Variants in COL4A6 observed in about 807,000 individuals in gnomAD.
COL4A6 encodes collagen alpha-6(IV) chain.
Under a neutral mutation model 126.7 loss-of-function variants are expected in COL4A6, and 59 were observed. The ratio of observed to expected loss-of-function variants is 0.47; its 90% CI spans 0.38 to 0.58. The LOEUF is 0.58. Among genes scored for constraint, COL4A6 ranks in the 20% least tolerant of loss-of-function variants. The pLI is 0.00. For synonymous variants in COL4A6, 547 were observed against 496.6 expected (o/e 1.10, Z -1.35); for missense variants, 1,285 against 1,337.3 (o/e 0.96, Z 0.61).
At chrX:108,219,770 T>A in intron 4 of COL4A6, 28 bp from the exon 5 acceptor site, 1 of 1,149,800 alleles carries the variant, frequency 8.7e-7, no homozygotes, top group Non-Finnish European at 1.2e-6. Context: ...GAGAGGAATG[T>A]AAGACACAAT....
intron 23 of COL4A6, among the ~76,000 whole-genome samples, chrX:108,184,992 A>C (rs1417890922): frequency 8.9e-6 from 1 of 112,411 alleles, no homozygotes; most frequent in Non-Finnish European, 1.9e-5. Flanking sequence ...AGACCCAATT[A>C]CGGGAGGAGC....
intron 33 of COL4A6, among the ~76,000 whole-genome samples, chrX:108,171,183 G>T (rs777065133): frequency 4.5e-5 from 5 of 112,225 alleles, no homozygotes; most frequent in Non-Finnish European, 9.4e-5. Flanking sequence ...AAACTAAGGG[G>T]ATGTAGGCCA....
chrX:108,186,778 G>A (rs745637758), intron 23 of COL4A6, among the ~76,000 whole-genome samples: 1 of 110,411 alleles, frequency 9.1e-6, no homozygotes, highest in East Asian at 2.9e-4. Context: ...TTTGCAACAA[G>A]TGGTCATCCA....
At chrX:108,374,290 T>A (rs748821233) in intron 2 of COL4A6, among the ~76,000 whole-genome samples, 2 of 112,281 alleles carry the variant, frequency 1.8e-5, no homozygotes, top group South Asian at 7.5e-4. Flanking sequence ...AGCAGCTCAT[T>A]CACCACTTAA....
At chrX:108,403,960 G>A (rs1327513404) in intron 2 of COL4A6, among the ~76,000 whole-genome samples, 2 of 111,400 alleles carry the variant, frequency 1.8e-5, no homozygotes, top group Non-Finnish European at 3.8e-5. Context: ...CTCTCTTTAC[G>A]TGTCCTGATT....
intron 2 of COL4A6, among the ~76,000 whole-genome samples, chrX:108,391,954 C>T (rs755193053): frequency 1.5e-4 from 17 of 112,109 alleles, no homozygotes; most frequent in East Asian, 5.6e-4. Flanking sequence ...TGTTCCTGTT[C>T]GGCCATCTTG....
chrX:108,165,395 C>T lies in COL4A6; in HGVS notation c.3783G>A (p.Gly1261=). The T allele has an allele frequency of 2.5e-6, 3 of 1,209,685 alleles. No individual in the cohort carries two copies. The highest frequency in any genetic ancestry group is 3.4e-6 in the Non-Finnish European group (3 of 894,789). ...CTCGTTCTCCATCTAGGCCTGGTCG[C>T]CCGGGGTCACCAGGCTGTCCTGCTA... The part of the protein sequence containing the change: ...SLIAGQPGDP[G]RPGLDGERGR... The change falls in exon 38 of 45, where the codon GGG becomes GGA. Residue 1261 remains glycine, a synonymous_variant. Coordinates refer to ENST00000334504, the MANE Select transcript of COL4A6 (RefSeq NM_033641.4).
intron 3 of COL4A6, among the ~76,000 whole-genome samples, chrX:108,292,969 AG>A (rs1281796595): frequency 1.0e-5 from 1 of 97,230 alleles, no homozygotes; most frequent in Non-Finnish European, 2.0e-5. Context: ...AAAAAAAAAA[AG>A]AAAGGAAAGA....
chrX:108,216,661 G>T (rs1228829561), intron 5 of COL4A6, among the ~76,000 whole-genome samples: 2 of 112,562 alleles, frequency 1.8e-5, no homozygotes, highest in Non-Finnish European at 3.8e-5. Context: ...CCCTCCAAGA[G>T]CGTATAGCTC....
chrX:108,333,985 A>G (rs1225074656), intron 2 of COL4A6, among the ~76,000 whole-genome samples: 1 of 111,724 alleles, frequency 9.0e-6, no homozygotes, highest in East Asian at 2.8e-4. Context: ...AGCAATCTAC[A>G]AATTCAATGC....
chrX:108,250,421 G>T (rs779897195), intron 3 of COL4A6, among the ~76,000 whole-genome samples: 1 of 111,020 alleles, frequency 9.0e-6, no homozygotes, highest in Non-Finnish European at 1.9e-5. Flanking sequence ...CTTGGCCAAA[G>T]TCTATGAAAT....
intron 40 of COL4A6, 141 bp downstream of exon 40, chrX:108,164,459 C>G: frequency 1.8e-6 from 1 of 545,282 alleles, no homozygotes; most frequent in South Asian, 3.0e-5. Context: ...GGTAGAGAAA[C>G]TGCCTCTCTG....
chrX:108,278,114 C>T (rs1436412912), intron 3 of COL4A6, among the ~76,000 whole-genome samples: 1 of 112,471 alleles, frequency 8.9e-6, no homozygotes, highest in Admixed American at 9.4e-5. Context: ...CGCAGCTCCT[C>T]ACCAGCAACA....
chrX:108,364,881 T>C (rs1484984283), intron 2 of COL4A6, among the ~76,000 whole-genome samples: 8 of 111,608 alleles, frequency 7.2e-5, no homozygotes, highest in Non-Finnish European at 1.3e-4. Flanking sequence ...TTCCATATCT[T>C]GGCTATGGTG....
chrX:108,373,965 A>C (rs1174304369), intron 2 of COL4A6, among the ~76,000 whole-genome samples: 1 of 112,424 alleles, frequency 8.9e-6, no homozygotes, highest in East Asian at 2.8e-4. Context: ...GTTTGCTAAA[A>C]GAATATATCC....
intron 2 of COL4A6, among the ~76,000 whole-genome samples, chrX:108,434,497 A>G (rs913095632): frequency 9.0e-6 from 1 of 110,714 alleles, no homozygotes. Context: ...AATAAAATAC[A>G]TAGGATTACA....
rs774247004 is a variant in COL4A6, at chrX:108,278,055, A to T, written c.144+32693T>A. ...CAAAGATGGGGAAAAAACAGAGCAG[A>T]AAAACTGGAAACTCTAAAAAGCAGA... On this transcript the variant is annotated intron_variant, in intron 3 of 44. Coordinates refer to ENST00000334504, the MANE Select transcript of COL4A6 (RefSeq NM_033641.4). Among the ~76,000 whole-genome samples, 3 of 112,180 alleles carry T rather than the reference A, an allele frequency of 2.7e-5. No homozygotes were observed. The East Asian group carries it at 8.4e-4, about 32-fold the overall frequency.
rs769851755 is a variant in COL4A6, at chrX:108,207,693, C to G, written c.547-1113G>C. Among the ~76,000 whole-genome samples the G allele has an allele frequency of 1.8e-4, 20 of 111,376 alleles. No individual in the cohort carries two copies. In the South Asian group the frequency reaches 4.9e-3, roughly 27 times the overall value. The stretch of plus-strand genomic sequence containing the variant: ...GCAAATTCTTTTTTGTTACTATTCC[C>G]TAAACAATACAGTGTAACAACTTTT... On this transcript the variant is annotated intron_variant, in intron 8 of 44. Transcript: ENST00000334504.
At chrX:108,158,745 A>C (rs773728891) in intron 44 of COL4A6, among the ~76,000 whole-genome samples, 1 of 112,117 alleles carries the variant, frequency 8.9e-6, no homozygotes, top group East Asian at 2.8e-4. Flanking sequence ...TTCAACAGAG[A>C]AGCTCTGGCA....
Sources: allele counts gnomAD v4.1 joint callset (sites outside exome capture counted in the v4.1 genomes callset), GRCh38; gene constraint gnomAD v4.1.1; transcripts MANE v1.5; gene names NCBI Gene and HGNC (gene_info 2026-07-23, HGNC 2026-07-21).